TGFBR1: variants seen among roughly 807,000 people sequenced by gnomAD.
TGFBR1 encodes transforming growth factor beta receptor 1.
In TGFBR1, 20 loss-of-function variants were observed where a neutral mutation model predicts 55.1. That is an observed-to-expected ratio of 0.36 (90% CI 0.26 to 0.53). The LOEUF is 0.53. TGFBR1 is among the 20% of genes least tolerant of loss of function. TGFBR1 has a pLI of 0.91. For synonymous variants in TGFBR1, 220 were observed against 214.8 expected (o/e 1.02, Z -0.21); for missense variants, 385 against 617.6 (o/e 0.62, Z 3.99).
intron 4 of TGFBR1, among the ~76,000 whole-genome samples, chr9:99,140,590 A>C (rs999780151): frequency 2.0e-5 from 3 of 151,996 alleles, no homozygotes; most frequent in Non-Finnish European, 4.4e-5. Context: ...CCTTTTCTTT[A>C]TTTACTGTGT....
intron 1 of TGFBR1, among the ~76,000 whole-genome samples, chr9:99,123,716 G>A (rs1358469387): frequency 2.6e-5 from 4 of 152,104 alleles, no homozygotes; most frequent in Non-Finnish European, 5.9e-5. Context: ...GAACTGAATT[G>A]CCTAGATGAT....
intron 1 of TGFBR1, among the ~76,000 whole-genome samples, chr9:99,118,070 CTTTTG>C (rs1273926993): frequency 1.3e-5 from 2 of 152,052 alleles, no homozygotes; most frequent in Non-Finnish European, 2.9e-5. Flanking sequence ...CTTTACCTGT[CTTTTG>C]TTAGGTTTAT....
rs1471012587 is a variant in TGFBR1, at chr9:99,151,744, C to A, written c.*2439C>A. The A allele has an allele frequency of 1.4e-5, 3 of 220,298 alleles. No individual in the cohort carries two copies. The highest frequency in any genetic ancestry group is 4.5e-5 in the African/African-American group (2 of 44,596). 13.6% of individuals were successfully genotyped at this position (220,298 alleles called of 1,614,324 possible). A position where few individuals can be genotyped will look rare whatever the true frequency, so the allele number is the denominator to read the frequency against. On this transcript the variant is annotated 3_prime_UTR_variant, in exon 9 of 9. Transcript: ENST00000374994. ...TTACTGCAGTTAATTCCTTTTTTGG[C>A]TAGGGATGGTTTGATAAACCACAAT...
chr9:99,135,498 C>T (rs1564158311), intron 3 of TGFBR1, among the ~76,000 whole-genome samples: 1 of 152,222 alleles, frequency 6.6e-6, no homozygotes, highest in Non-Finnish European at 1.5e-5. Context: ...AAGGCCCTGT[C>T]TCTACCTCTA....
At chr9:99,108,128 A>G (rs1787216403) in intron 1 of TGFBR1, among the ~76,000 whole-genome samples, 1 of 152,198 alleles carries the variant, frequency 6.6e-6, no homozygotes, top group Non-Finnish European at 1.5e-5. Flanking sequence ...TTTCTATTTG[A>G]GCATTCCTTT....
chr9:99,134,833 T>C (rs1235193252), intron 3 of TGFBR1, among the ~76,000 whole-genome samples: 1 of 115,908 alleles, frequency 8.6e-6, no homozygotes, highest in Non-Finnish European at 1.9e-5. Context: ...TATATATATA[T>C]ATATATATAT....
In TGFBR1 at chr9:99,105,280, G is replaced by A. The variant is rs1221329451; in HGVS notation, c.75G>A (p.Ala25=). The change falls in exon 1 of 9, where the codon GCG becomes GCA. Residue 25 remains alanine (A), a synonymous_variant. Coordinates refer to ENST00000374994, the MANE Select transcript of TGFBR1 (RefSeq NM_004612.4). The part of the protein sequence containing the change: ...LVLAAAAAAA[A]ALLPGATALQ... ...TGGCGGCGGCGGCGGCGGCGGCGGC[G>A]GCGCTGCTCCCGGGGGCGACGGGTG... 1 of 1,002,844 alleles carries A rather than the reference G, an allele frequency of 1.0e-6. No individual in the cohort carries two copies. Among genetic ancestry groups the A allele is most frequent in the African/African-American group, 1.8e-5 (1 of 56,944 alleles). The allele number at this position is 1,002,844 out of a possible 1,614,324, so 62.1% of individuals were successfully genotyped here.
intron 1 of TGFBR1, among the ~76,000 whole-genome samples, chr9:99,126,870 A>G (rs1319408476): frequency 2.0e-5 from 3 of 152,216 alleles, no homozygotes; most frequent in East Asian, 3.8e-4. Context: ...TGACCTGTCT[A>G]TGAATAAAGA....
At chr9:99,115,297 C>T (rs1826703407) in intron 1 of TGFBR1, among the ~76,000 whole-genome samples, 1 of 152,058 alleles carries the variant, frequency 6.6e-6, no homozygotes, top group South Asian at 2.1e-4. Flanking sequence ...TTCAGGAAAA[C>T]CATTCCATCT....
intron 1 of TGFBR1, among the ~76,000 whole-genome samples, chr9:99,120,604 A>G (rs931083551): frequency 1.2e-4 from 18 of 152,300 alleles, no homozygotes; most frequent in African/African-American, 2.9e-4. Flanking sequence ...TAATGGCTAT[A>G]TAGTCTTTCA....
At chr9:99,119,896 T>C (rs1475547475) in intron 1 of TGFBR1, among the ~76,000 whole-genome samples, 1 of 152,228 alleles carries the variant, frequency 6.6e-6, no homozygotes, top group East Asian at 1.9e-4. Context: ...TCTGTGTCAG[T>C]ATTGCCTACC....
At chr9:99,142,796 T>A in intron 5 of TGFBR1, 93 bp downstream of exon 5, 1 of 1,433,094 alleles carries the variant, frequency 7.0e-7, no homozygotes, top group Non-Finnish European at 9.7e-7. Context: ...TGGTGGCTCA[T>A]GCCTATAATC....
chr9:99,129,552 A>G (rs1827151949), intron 2 of TGFBR1, among the ~76,000 whole-genome samples: 1 of 152,178 alleles, frequency 6.6e-6, no homozygotes, highest in Admixed American at 6.6e-5. Context: ...TTTTGCGTAA[A>G]TTAATTATAC....
intron 6 of TGFBR1, among the ~76,000 whole-genome samples, chr9:99,145,419 G>C (rs759013335): frequency 3.9e-5 from 6 of 152,156 alleles, no homozygotes; most frequent in Non-Finnish European, 8.8e-5. Context: ...GACTGTCATA[G>C]CACACTGAAC....
intron 3 of TGFBR1, among the ~76,000 whole-genome samples, chr9:99,136,021 A>C (rs958993423): frequency 2.6e-5 from 4 of 151,890 alleles, no homozygotes; most frequent in African/African-American, 9.7e-5. Flanking sequence ...TGCCCAGCTA[A>C]TTTTTGTATA....
intron 1 of TGFBR1, among the ~76,000 whole-genome samples, chr9:99,115,312 T>C (rs1826703917): frequency 1.3e-5 from 2 of 152,174 alleles, no homozygotes. Context: ...CCATCTAGAT[T>C]TCCTAGGTGT....
chr9:99,148,570 C>T (rs998497413), intron 8 of TGFBR1, among the ~76,000 whole-genome samples: 8 of 152,194 alleles, frequency 5.3e-5, no homozygotes, highest in African/African-American at 1.9e-4. Context: ...AGCAGAACCT[C>T]TGATAAGCAA....
intron 2 of TGFBR1, among the ~76,000 whole-genome samples, chr9:99,132,133 A>G (rs144337868): frequency 1.3e-5 from 2 of 152,224 alleles, no homozygotes; most frequent in Non-Finnish European, 2.9e-5. Context: ...CAAGAAGACA[A>G]GCCAAACATT....
Position 99,150,807 on chromosome 9 carries a change from C to G in TGFBR1, c.*1502C>G, listed in dbSNP as rs1047741849. 5.0e-5 allele frequency: 11 copies of G among 218,158 alleles called. No individual in the cohort carries two copies. Among genetic ancestry groups the G allele is most frequent in the African/African-American group, 1.8e-4 (8 of 44,564 alleles). The allele number at this position is 218,158 out of a possible 1,614,324, so 13.5% of individuals were successfully genotyped here. ...GATGTCTTTGGTCAAATATTGAAAG[C>G]AAACTTGTCATGGTCTTCTTACATT... is the stretch of plus-strand genomic sequence containing the variant. On this transcript the variant is annotated 3_prime_UTR_variant, in exon 9 of 9. Transcript: ENST00000374994.
Sources: allele counts gnomAD v4.1 joint callset (sites outside exome capture counted in the v4.1 genomes callset), GRCh38; gene constraint gnomAD v4.1.1; transcripts MANE v1.5; gene names NCBI Gene and HGNC (gene_info 2026-07-23, HGNC 2026-07-21).